Variants in RBFOX1 observed in about 807,000 individuals in gnomAD.
The protein encoded by RBFOX1 is RNA binding fox-1 homolog 1, also known as RNA binding protein fox-1 homolog 1.
RBFOX1 carries 8 observed loss-of-function variants against 57.7 expected under a neutral mutation model. That is an observed-to-expected ratio of 0.14 (90% CI 0.08 to 0.25). The LOEUF is 0.25. Among genes scored for constraint, RBFOX1 ranks in the 10% least tolerant of loss-of-function variants. The probability of loss-of-function intolerance (pLI) is 1.00; values close to 1 mark genes in which losing one functional copy is unlikely to be tolerated. For missense variants in RBFOX1, 611 were observed against 548.5 expected, an observed-to-expected ratio of 1.11 and a Z score of -1.14; for synonymous variants, 326 against 222.4, an observed-to-expected ratio of 1.47 and a Z score of -4.15.
At chr16:6,820,501 T>A (rs1054924616) in intron 3 of RBFOX1, among the ~76,000 whole-genome samples, 3 of 151,930 alleles carry the variant, frequency 2.0e-5, no homozygotes, top group Non-Finnish European at 4.4e-5. Flanking sequence ...CAGAAAAAGT[T>A]TTTAAAAAGT....
intron 3 of RBFOX1, among the ~76,000 whole-genome samples, chr16:6,981,985 C>T (rs771509159): frequency 3.9e-4 from 60 of 152,288 alleles, no homozygotes; most frequent in Non-Finnish European, 5.3e-4. Context: ...AATAAGCCTC[C>T]AAATAGTGTG....
At chr16:7,500,465 C>T (rs994291238) in intron 4 of RBFOX1, among the ~76,000 whole-genome samples, 1 of 152,104 alleles carries the variant, frequency 6.6e-6, no homozygotes, top group African/African-American at 2.4e-5. Context: ...TTTCTTATTC[C>T]CCCATAAAAG....
intron 2 of RBFOX1, among the ~76,000 whole-genome samples, chr16:5,481,796 C>T (rs1053939885): frequency 2.0e-5 from 3 of 152,190 alleles, no homozygotes; most frequent in Non-Finnish European, 2.9e-5. Flanking sequence ...TCTGAGCCCT[C>T]TCTCTGTGGC....
In RBFOX1 at chr16:7,522,623, C is replaced by G. The variant is rs2077752839; in HGVS notation, c.270+4234C>G. Among the ~76,000 whole-genome samples, 2 of 152,054 alleles carry G rather than the reference C, an allele frequency of 1.3e-5. 1 individual carries two copies. Among genetic ancestry groups the G allele is most frequent in the South Asian group, 4.2e-4 (2 of 4,812 alleles). ...GATTGCATCTGAGAAGCAAAGAAGT[C>G]AGAGAAAGCAGTTGGTAGGATAGTT... On this transcript the variant is annotated intron_variant, in intron 5 of 15. Coordinates refer to ENST00000550418, the MANE Select transcript of RBFOX1 (RefSeq NM_018723.4).
chr16:6,167,165 G>A (rs375646402), intron 1 of RBFOX1, among the ~76,000 whole-genome samples: 1 of 152,226 alleles, frequency 6.6e-6, no homozygotes, highest in Admixed American at 6.5e-5. Context: ...AAGGGCAAAG[G>A]GTGTTGGATG....
intron 14 of RBFOX1, among the ~76,000 whole-genome samples, chr16:7,688,698 G>A (rs1208523970): frequency 1.3e-5 from 2 of 152,126 alleles, no homozygotes; most frequent in Non-Finnish European, 1.5e-5. Context: ...GGCAGATAGA[G>A]TATAGATGGT....
chr16:7,704,779 G>C (rs1005886168), intron 14 of RBFOX1, among the ~76,000 whole-genome samples: 1 of 152,178 alleles, frequency 6.6e-6, no homozygotes, highest in African/African-American at 2.4e-5. Flanking sequence ...GGCTGGGTGT[G>C]GTAGCTCATG....
chr16:6,139,337 C>A (rs1159614665), intron 1 of RBFOX1, among the ~76,000 whole-genome samples: 1 of 152,068 alleles, frequency 6.6e-6, no homozygotes, highest in Non-Finnish European at 1.5e-5. Flanking sequence ...TCACACAGAC[C>A]AAGGTGAGGT....
intron 2 of RBFOX1, among the ~76,000 whole-genome samples, chr16:6,647,689 G>A (rs548583666): frequency 1.3e-5 from 2 of 152,262 alleles, no homozygotes; most frequent in African/African-American, 4.8e-5. Flanking sequence ...CATACTACGT[G>A]TTAAAAATGT....
chr16:6,024,034 A>T (rs1241196145), intron 1 of RBFOX1, among the ~76,000 whole-genome samples: 3 of 152,156 alleles, frequency 2.0e-5, no homozygotes, highest in African/African-American at 7.2e-5. Flanking sequence ...TGACGCGTGG[A>T]GTTATATACA....
chr16:7,245,561 A>T (rs1404836776), intron 4 of RBFOX1, among the ~76,000 whole-genome samples: 4 of 152,252 alleles, frequency 2.6e-5, no homozygotes, highest in Admixed American at 1.3e-4. Context: ...CAAGACAAAA[A>T]TAAATAAAAT....
intron 4 of RBFOX1, among the ~76,000 whole-genome samples, chr16:7,085,823 T>C (rs1475242951): frequency 6.6e-6 from 1 of 152,186 alleles, no homozygotes; most frequent in African/African-American, 2.4e-5. Context: ...TCCTGGTTTG[T>C]TCAGATGGTC....
intron 1 of RBFOX1, among the ~76,000 whole-genome samples, chr16:6,194,703 A>C (rs1036326637): frequency 6.6e-6 from 1 of 152,162 alleles, no homozygotes; most frequent in African/African-American, 2.4e-5. Context: ...GGTTTCTTAC[A>C]TTCATGGGCA....
At chr16:6,973,114 G>T (rs1434717616) in intron 3 of RBFOX1, among the ~76,000 whole-genome samples, 1 of 151,096 alleles carries the variant, frequency 6.6e-6, no homozygotes, top group African/African-American at 2.4e-5. Context: ...CTGGGTGACG[G>T]AGCAAGACTC....
chr16:7,184,727 C>T (rs1017513210), intron 4 of RBFOX1, among the ~76,000 whole-genome samples: 4 of 152,110 alleles, frequency 2.6e-5, no homozygotes, highest in Non-Finnish European at 5.9e-5. Context: ...AAATTTGGGG[C>T]AATGTGGAGT....
At chr16:6,039,358 A>C (rs1396945568) in intron 1 of RBFOX1, among the ~76,000 whole-genome samples, 1 of 151,742 alleles carries the variant, frequency 6.6e-6, no homozygotes, top group Non-Finnish European at 1.5e-5. Flanking sequence ...AAAAAAAAAA[A>C]AAAAAAACAG....
intron 4 of RBFOX1, among the ~76,000 whole-genome samples, chr16:7,456,164 G>T (rs1055172812): frequency 3.3e-5 from 5 of 152,148 alleles, no homozygotes; most frequent in African/African-American, 1.2e-4. Flanking sequence ...TGATTAAGGG[G>T]CAGGGCAGGG....
At chr16:5,301,445 C>T (rs1233854535) in intron 1 of RBFOX1, among the ~76,000 whole-genome samples, 1 of 151,854 alleles carries the variant, frequency 6.6e-6, no homozygotes, top group Non-Finnish European at 1.5e-5. Flanking sequence ...CGGTGAAACC[C>T]CATCTCTACT....
intron 2 of RBFOX1, among the ~76,000 whole-genome samples, chr16:5,546,509 G>A (rs9889108): frequency 0.73 from 111,482 of 151,942 alleles, 41,417 homozygotes; most frequent in East Asian, 0.99. Flanking sequence ...GTTCAGTGGA[G>A]TAGAATAATC....
Sources: gnomAD v4.1 joint callset for allele counts (sites outside exome capture counted in the v4.1 genomes callset) on GRCh38, gnomAD v4.1.1 for gene constraint, MANE v1.5 for transcripts, NCBI Gene and HGNC (gene_info 2026-07-23, HGNC 2026-07-21) for gene names.